The following REV3L variants were observed in gnomAD, a reference collection of about 807,000 sequenced individuals.
REV3L encodes REV3 like, DNA directed polymerase zeta catalytic subunit, also known as DNA polymerase zeta catalytic subunit.
In REV3L, 69 loss-of-function variants were observed where a neutral mutation model predicts 299.4. The observed-to-expected ratio is 0.23, with a 90% confidence interval of 0.19 to 0.28. The LOEUF (loss-of-function observed/expected upper bound fraction) is 0.28, where lower values mean the gene tolerates loss of function less well. Ranked by LOEUF, REV3L falls within the 10% of genes least tolerant of loss-of-function variation. The pLI is 1.00. For missense variants in REV3L, 3,128 were observed against 3,693.8 expected (o/e 0.85, Z 3.97); for synonymous variants, 1,238 against 1,271.4 (o/e 0.97, Z 0.56).
intron 1 of REV3L, among the ~76,000 whole-genome samples, chr6:111,452,214 G>A (rs899325843): frequency 3.2e-4 from 48 of 152,132 alleles, no homozygotes; most frequent in African/African-American, 1.1e-3. Flanking sequence ...ATAAACAAAT[G>A]TTGGAGAGGG....
At chr6:111,420,880 G>A (rs1023858833) in intron 1 of REV3L, among the ~76,000 whole-genome samples, 5 of 152,150 alleles carry the variant, frequency 3.3e-5, no homozygotes, top group African/African-American at 9.7e-5. Flanking sequence ...GGTGGCTCAC[G>A]CCTGTAATCC....
In REV3L at chr6:111,375,577, A is replaced by G; in HGVS notation, c.2778T>C (p.Asn926=). 1 of 1,613,696 alleles carries G rather than the reference A, an allele frequency of 6.2e-7. No homozygotes were observed. Among genetic ancestry groups the G allele is most frequent in the African/African-American group, 1.3e-5 (1 of 74,962 alleles). Residue 926 remains asparagine (N), a synonymous_variant, in exon 13 of 32, where the codon AAT becomes AAC. Coordinates refer to ENST00000368802, the MANE Select transcript of REV3L (RefSeq NM_001372078.1). ...TTGACTCACTGTCTTCAGTCTCATA[A>G]TTTACCTTGCGTTTGGCTCTAAGTG... ...KYTLRAKRKV[N]YETEDSESSF...
At chr6:111,354,116 C>T (rs987511485) in intron 18 of REV3L, 2 of 152,232 alleles carry the variant, frequency 1.3e-5, no homozygotes, top group Non-Finnish European at 2.9e-5. Flanking sequence ...GAGTTCCTAT[C>T]ACATAGTTAC....
intron 1 of REV3L, among the ~76,000 whole-genome samples, chr6:111,466,821 G>A (rs1791572087): frequency 6.7e-6 from 1 of 150,312 alleles, no homozygotes; most frequent in African/African-American, 2.4e-5. Flanking sequence ...TAGCCTGGGC[G>A]ACACAGTGAG....
chr6:111,332,904 A>G (rs1159723789), intron 23 of REV3L, among the ~76,000 whole-genome samples: 1 of 152,174 alleles, frequency 6.6e-6, no homozygotes, highest in Non-Finnish European at 1.5e-5. Context: ...CCTATTCCCA[A>G]TCCTCTTCAT....
chr6:111,367,431 G>C lies in REV3L; in HGVS notation c.6357C>G (p.Ser2119=). ...AAGGGGGAATTACTGGAGAATCAGG[G>C]GAGCTATAACTAATGTAATAGTTAT... The part of the protein sequence containing the change: ...DDDNYYISYS[S]PDSPVIPPWQ... The change falls in exon 14 of 32, where the codon TCC becomes TCG. Residue 2119 remains serine, a synonymous_variant. Coordinates refer to ENST00000368802, the MANE Select transcript of REV3L (RefSeq NM_001372078.1). 1 of 1,611,492 alleles carries C rather than the reference G, an allele frequency of 6.2e-7. No individual in the cohort carries two copies.
rs533185183 is a variant in REV3L, at chr6:111,326,891, G to T, written c.8241+2641C>A. On this transcript the variant is annotated intron_variant, in intron 25 of 31. Transcript: ENST00000368802. ...CTTATTCATGAGAGGCTCTTTCTGT[G>T]ATGTTAGCTGCTTTTTCCACTCATG... is the stretch of plus-strand genomic sequence containing the variant. Among the ~76,000 whole-genome samples, 3 of 151,704 alleles carry T rather than the reference G, an allele frequency of 2.0e-5. No homozygotes were observed. In the East Asian group the frequency reaches 5.8e-4, roughly 29 times the overall value.
At position 111,478,056 on chromosome 6, in the gene REV3L, C is replaced by T. The variant is rs59380074; in HGVS notation, c.139+4694G>A. On this transcript the variant is annotated intron_variant, in intron 1 of 31. Transcript: ENST00000368802. ...AAGGATTCTAATATACATTGCCAAA[C>T]TGCCCTGCAAAGAGCAGTTGTCTTC... Among the ~76,000 whole-genome samples, 1,340 of 152,328 alleles carry T rather than the reference C, an allele frequency of 8.8e-3. 21 individuals are homozygous for T. The highest frequency in any genetic ancestry group is 0.031 in the African/African-American group (1,279 of 41,572).
At chr6:111,366,471 T>C (rs1221308443) in intron 14 of REV3L, among the ~76,000 whole-genome samples, 1 of 151,760 alleles carries the variant, frequency 6.6e-6, no homozygotes, top group African/African-American at 2.4e-5. Flanking sequence ...CTGAGAATAA[T>C]GAGAAAATCA....
Position 111,367,146 on chromosome 6 carries a change from A to G in REV3L, c.6642T>C (p.Pro2214=). The change falls in exon 14 of 32, where the codon CCT becomes CCC. Residue 2214 remains proline, a synonymous_variant. Transcript: ENST00000368802. ...IIQRKLLERL[P]EAPGLSPLST... ...ATAATGGGCTAAGGCCAGGTGCTTCAGGAAGCCTTTCCAGAAGTTTTCTCT... is the reference window on the plus strand; with the variant it reads ...ATAATGGGCTAAGGCCAGGTGCTTCGGGAAGCCTTTCCAGAAGTTTTCTCT... The G allele has an allele frequency of 6.2e-7, 1 of 1,605,314 alleles. No individual in the cohort carries two copies. The highest frequency in any genetic ancestry group is 8.5e-7 in the Non-Finnish European group (1 of 1,177,018).
chr6:111,311,515 G>T, intron 28 of REV3L: 4 of 299,890 alleles, frequency 1.3e-5, no homozygotes, highest in East Asian at 5.9e-5. Flanking sequence ...ATTAACATTT[G>T]TCATGTGATA....
At chr6:111,302,536 G>C (rs1409211625) in intron 31 of REV3L, among the ~76,000 whole-genome samples, 1 of 152,172 alleles carries the variant, frequency 6.6e-6, no homozygotes, top group African/African-American at 2.4e-5. Flanking sequence ...GTAGCACATA[G>C]GGAGGCAGGC....
chr6:111,478,700 T>C (rs1793247514), intron 1 of REV3L, among the ~76,000 whole-genome samples: 1 of 151,928 alleles, frequency 6.6e-6, no homozygotes. Flanking sequence ...AATGAGAATA[T>C]ATTTATAATT....
intron 1 of REV3L, among the ~76,000 whole-genome samples, chr6:111,473,823 A>G (rs1160986956): frequency 1.3e-5 from 2 of 152,118 alleles, no homozygotes; most frequent in Non-Finnish European, 2.9e-5. Flanking sequence ...AAGAGTCAAG[A>G]TCCAAGATCC....
At chr6:111,408,476 C>A (rs1783880729) in intron 3 of REV3L, among the ~76,000 whole-genome samples, 1 of 151,642 alleles carries the variant, frequency 6.6e-6, no homozygotes, top group African/African-American at 2.4e-5. Flanking sequence ...TGGTGGTGGG[C>A]ACCTGTAATC....
intron 3 of REV3L, among the ~76,000 whole-genome samples, chr6:111,409,294 C>T (rs189180249): frequency 6.6e-6 from 1 of 150,594 alleles, no homozygotes; most frequent in Non-Finnish European, 1.5e-5. Flanking sequence ...AGATATATAA[C>T]CAAGGGTCAA....
At chr6:111,338,311 CCTTTTTTTTTTTTTTTTTTTTTTTTTT>C (rs1277917784) in intron 21 of REV3L, among the ~76,000 whole-genome samples, 1 of 49,032 alleles carries the variant, frequency 2.0e-5, no homozygotes, top group Non-Finnish European at 3.5e-5. Flanking sequence ...AGTCTAAAGT[CCTTTTTTTTTTTTTTTTTTTTTTTTTT>C]TTTTTTTTTT....
chr6:111,468,294 T>G (rs551218892), intron 1 of REV3L, among the ~76,000 whole-genome samples: 60 of 152,312 alleles, frequency 3.9e-4, no homozygotes, highest in South Asian at 1.2e-3. Flanking sequence ...ATATAAAGAT[T>G]ATTTATGAAA....
intron 11 of REV3L, among the ~76,000 whole-genome samples, chr6:111,379,777 A>C (rs1780643467): frequency 6.6e-6 from 1 of 152,192 alleles, no homozygotes; most frequent in Admixed American, 6.5e-5. Flanking sequence ...AAGTTAGGTT[A>C]ATCTTTTAAA....
Sources: allele counts gnomAD v4.1 joint callset (sites outside exome capture counted in the v4.1 genomes callset), GRCh38; gene constraint gnomAD v4.1.1; transcripts MANE v1.5; gene names NCBI Gene and HGNC (gene_info 2026-07-23, HGNC 2026-07-21).